The following DLG2 variants were observed in gnomAD, a reference collection of about 807,000 sequenced individuals.
The protein encoded by DLG2 is disks large homolog 2.
A neutral mutation model predicts 132.5 loss-of-function variants in DLG2; 45 were observed. The observed-to-expected ratio is 0.34, with a 90% CI of 0.27 to 0.44. The LOEUF is 0.44. Ranked by LOEUF, DLG2 falls within the 20% of genes least tolerant of loss-of-function variation. The pLI is 1.00. For synonymous variants in DLG2, 424 were observed against 419.6 expected (o/e 1.01, Z -0.13); for missense variants, 1,045 against 1,196.9 (o/e 0.87, Z 1.87).
Position 83,668,818 on chromosome 11 carries a change from A to C in DLG2, c.1826-35493T>G, listed in dbSNP as rs1380856667. ...AAACACACATATATATGTGTATATA[A>C]ACATATATATGTGTATATAAACACA... On this transcript the variant is annotated intron_variant, in intron 18 of 27. Transcript: ENST00000376104. Among the ~76,000 whole-genome samples the C allele has an allele frequency of 1.4e-3, 143 of 101,422 alleles. 6 individuals carry two copies. Among genetic ancestry groups the C allele is most frequent in the African/African-American group, 6.1e-3 (126 of 20,820 alleles). The allele number at this position is 101,422 out of a possible 152,430, so 66.5% of individuals were successfully genotyped here. A position where few individuals can be genotyped will look rare whatever the true frequency, so the allele number is the denominator to read the frequency against.
At chr11:85,161,441 T>C (rs939670401) in intron 4 of DLG2, among the ~76,000 whole-genome samples, 2 of 152,222 alleles carry the variant, frequency 1.3e-5, no homozygotes, top group African/African-American at 4.8e-5. Flanking sequence ...TTCCTCAGGA[T>C]GATCAGCCAG....
intron 7 of DLG2, among the ~76,000 whole-genome samples, chr11:84,288,143 A>G (rs1277654841): frequency 6.6e-6 from 1 of 152,082 alleles, no homozygotes; most frequent in Non-Finnish European, 1.5e-5. Context: ...ATTATTTACA[A>G]TGTACATTTG....
At chr11:84,316,968 C>A (rs766962631) in intron 7 of DLG2, 1 of 1,612,828 alleles carries the variant, frequency 6.2e-7, no homozygotes, top group South Asian at 1.1e-5. Context: ...CTGTTTGAAG[C>A]TGGGCCCCCT....
At chr11:85,589,344 T>C (rs2079165943) in intron 3 of DLG2, among the ~76,000 whole-genome samples, 2 of 152,144 alleles carry the variant, frequency 1.3e-5, no homozygotes, top group African/African-American at 4.8e-5. Context: ...CCAGCTGTGA[T>C]AGAAGAGGGG....
chr11:84,379,168 G>A (rs1486016175), intron 7 of DLG2, among the ~76,000 whole-genome samples: 1 of 151,984 alleles, frequency 6.6e-6, no homozygotes, highest in African/African-American at 2.4e-5. Flanking sequence ...AAATTTTCAA[G>A]AAAGTGAATC....
chr11:84,647,427 A>T (rs1325388754), intron 6 of DLG2, among the ~76,000 whole-genome samples: 2 of 152,240 alleles, frequency 1.3e-5, no homozygotes, highest in Non-Finnish European at 2.9e-5. Flanking sequence ...GCAAGCATGC[A>T]TCAAATCCTA....
chr11:83,799,700 C>A (rs2043825912), intron 17 of DLG2, among the ~76,000 whole-genome samples: 1 of 152,138 alleles, frequency 6.6e-6, no homozygotes, highest in Non-Finnish European at 1.5e-5. Context: ...TACCATTAAT[C>A]AAGACAGGAA....
chr11:83,754,263 T>C (rs1380194493), intron 18 of DLG2, among the ~76,000 whole-genome samples: 4 of 150,646 alleles, frequency 2.7e-5, no homozygotes, highest in Non-Finnish European at 5.9e-5. Flanking sequence ...GGGGGAGGGG[T>C]GGAGTTTCTA....
chr11:84,881,060 T>C (rs1346020982), intron 6 of DLG2, among the ~76,000 whole-genome samples: 1 of 152,038 alleles, frequency 6.6e-6, no homozygotes, highest in South Asian at 2.1e-4. Context: ...CTGTAGCATA[T>C]TGTAACCAAA....
intron 3 of DLG2, among the ~76,000 whole-genome samples, chr11:85,485,080 T>C (rs933012657): frequency 2.0e-5 from 3 of 152,078 alleles, no homozygotes; most frequent in East Asian, 1.9e-4. Flanking sequence ...GAAACCATCA[T>C]TCTCAGCAAA....
chr11:83,980,356 T>C, intron 12 of DLG2, 150 bp downstream of exon 12: 1 of 894,876 alleles, frequency 1.1e-6, no homozygotes, highest in Non-Finnish European at 1.6e-6. Context: ...CTTTGTAGTC[T>C]CCAGAATTGT....
chr11:83,488,156 A>G (rs1404587880), intron 21 of DLG2, among the ~76,000 whole-genome samples: 1 of 152,044 alleles, frequency 6.6e-6, no homozygotes, highest in Non-Finnish European at 1.5e-5. Flanking sequence ...AAACAATTGT[A>G]GCCGGTTTCT....
At chr11:85,004,685 T>TA (rs2154132276) in intron 6 of DLG2, among the ~76,000 whole-genome samples, 1 of 152,280 alleles carries the variant, frequency 6.6e-6, no homozygotes, top group South Asian at 2.1e-4. Context: ...ACTCTGATAA[T>TA]AGTTTTTTTT....
rs78386943 is a variant in DLG2 at position 85,104,038 on chromosome 11, T to C, written c.357+7623A>G. On this transcript the variant is annotated intron_variant, in intron 6 of 27. Coordinates refer to ENST00000376104, the MANE Select transcript of DLG2 (RefSeq NM_001142699.3). Reference sequence around the variant, plus strand: ...TACCTCACACCTATTAGGATTGTTATAATACAAAAGATAGGTAATAACGAG... The same window carrying C: ...TACCTCACACCTATTAGGATTGTTACAATACAAAAGATAGGTAATAACGAG... Among the ~76,000 whole-genome samples, 949 of 152,028 alleles carry C rather than the reference T, an allele frequency of 6.2e-3. 11 individuals are homozygous for C. Among genetic ancestry groups the C allele is most frequent in the African/African-American group, 0.022 (908 of 41,512 alleles).
intron 6 of DLG2, among the ~76,000 whole-genome samples, chr11:84,633,339 A>G (rs1229543897): frequency 1.3e-5 from 2 of 152,062 alleles, no homozygotes; most frequent in Admixed American, 6.6e-5. Flanking sequence ...ACCAGCCATT[A>G]CCATGACTTC....
At chr11:85,074,504 G>T (rs141819223) in intron 6 of DLG2, among the ~76,000 whole-genome samples, 2 of 151,738 alleles carry the variant, frequency 1.3e-5, no homozygotes, top group African/African-American at 4.8e-5. Context: ...CTGTAGATTC[G>T]CAATAGCTGG....
chr11:83,861,457 A>G (rs897934010), intron 16 of DLG2, among the ~76,000 whole-genome samples: 1 of 152,208 alleles, frequency 6.6e-6, no homozygotes, highest in African/African-American at 2.4e-5. Context: ...TGTTTATAAT[A>G]GCCAAGATTT....
At chr11:83,520,664 TAGAA>T (rs1368742399) in intron 21 of DLG2, among the ~76,000 whole-genome samples, 27 of 143,362 alleles carry the variant, frequency 1.9e-4, no homozygotes, top group East Asian at 1.8e-3. Context: ...GATAGATAGA[TAGAA>T]AGAAAGACAG....
At chr11:84,072,683 G>A (rs1026434159) in intron 10 of DLG2, among the ~76,000 whole-genome samples, 1 of 152,146 alleles carries the variant, frequency 6.6e-6, no homozygotes, top group Non-Finnish European at 1.5e-5. Context: ...TAAATAATTT[G>A]GACTTGAACT....
Sources: gnomAD v4.1 joint callset for allele counts (sites outside exome capture counted in the v4.1 genomes callset) on GRCh38, gnomAD v4.1.1 for gene constraint, MANE v1.5 for transcripts, NCBI Gene and HGNC (gene_info 2026-07-23, HGNC 2026-07-21) for gene names.